Variants in TBC1D1 observed in about 807,000 individuals in gnomAD.
TBC1D1 encodes the protein TBC1 (tre-2/USP6, BUB2, cdc16) domain family, member 1.
A neutral mutation model predicts 125.6 loss-of-function variants in TBC1D1; 89 were observed. The observed-to-expected ratio is 0.71, with a 90% CI of 0.60 to 0.85. The LOEUF (loss-of-function observed/expected upper bound fraction) is 0.85. Ranked by LOEUF, TBC1D1 falls within the 40% of genes least tolerant of loss-of-function variation. The pLI is 0.00. For synonymous variants in TBC1D1, 565 were observed against 564.1 expected (o/e 1.00, Z -0.02); for missense variants, 1,377 against 1,469.2 (o/e 0.94, Z 1.03).
intron 14 of TBC1D1, among the ~76,000 whole-genome samples, chr4:38,097,323 TG>T (rs933147904): frequency 2.9e-5 from 4 of 136,332 alleles, no homozygotes; most frequent in Non-Finnish European, 4.8e-5. Context: ...GCACCATGCC[TG>T]GCTAATTTTT....
At chr4:37,899,070 A>AT (rs1322453685) in intron 1 of TBC1D1, among the ~76,000 whole-genome samples, 2 of 152,128 alleles carry the variant, frequency 1.3e-5, no homozygotes, top group African/African-American at 4.8e-5. Flanking sequence ...GATATGATAA[A>AT]TTTTGTGTTG....
intron 2 of TBC1D1, among the ~76,000 whole-genome samples, chr4:37,971,377 G>A (rs186674497): frequency 7.5e-4 from 114 of 152,324 alleles, no homozygotes; most frequent in Non-Finnish European, 1.3e-3. Context: ...GCAAGAAGGA[G>A]CAAGTCACAT....
chr4:37,899,849 G>T (rs376110079), intron 1 of TBC1D1, among the ~76,000 whole-genome samples: 2 of 152,184 alleles, frequency 1.3e-5, no homozygotes, highest in African/African-American at 4.8e-5. Context: ...GGCCGGGCGC[G>T]GTGGCTCAAG....
At chr4:38,017,007 A>G (rs1445409521) in intron 3 of TBC1D1, among the ~76,000 whole-genome samples, 4 of 152,130 alleles carry the variant, frequency 2.6e-5, no homozygotes, top group Admixed American at 6.5e-5. Flanking sequence ...AGTGGAAGGG[A>G]CAGACATGCA....
chr4:37,971,303 A>C (rs1156884693), intron 2 of TBC1D1, among the ~76,000 whole-genome samples: 1 of 152,220 alleles, frequency 6.6e-6, no homozygotes, highest in African/African-American at 2.4e-5. Flanking sequence ...GTAATTATAA[A>C]GGAAAGCGGT....
intron 2 of TBC1D1, among the ~76,000 whole-genome samples, chr4:37,911,671 T>C (rs553425314): frequency 3.3e-5 from 5 of 152,204 alleles, no homozygotes; most frequent in Admixed American, 2.0e-4. Context: ...CATTCATTTA[T>C]TGAAATACTA....
intron 2 of TBC1D1, among the ~76,000 whole-genome samples, chr4:37,963,897 C>T (rs17606892): frequency 0.096 from 14,572 of 152,232 alleles, 867 homozygotes; most frequent in East Asian, 0.16. Context: ...TTGTACTTGG[C>T]ATTTGGTGCC....
intron 2 of TBC1D1, among the ~76,000 whole-genome samples, chr4:37,946,570 C>T (rs1726737423): frequency 6.6e-6 from 1 of 152,074 alleles, no homozygotes; most frequent in South Asian, 2.1e-4. Context: ...TTTTCATGTT[C>T]CAAAGAGAAG....
chr4:37,968,959 T>A (rs1360871476), intron 2 of TBC1D1, among the ~76,000 whole-genome samples: 1 of 152,212 alleles, frequency 6.6e-6, no homozygotes, highest in East Asian at 1.9e-4. Flanking sequence ...CAGAGACACT[T>A]GGACGATTTG....
intron 12 of TBC1D1, among the ~76,000 whole-genome samples, chr4:38,071,337 A>T (rs149748791): frequency 6.6e-6 from 1 of 152,318 alleles, no homozygotes; most frequent in East Asian, 1.9e-4. Context: ...GATCTAGCAG[A>T]AGTAAAATTT....
chr4:38,073,878 C>T (rs1015662578), intron 12 of TBC1D1, among the ~76,000 whole-genome samples: 2 of 152,160 alleles, frequency 1.3e-5, no homozygotes, highest in Non-Finnish European at 2.9e-5. Flanking sequence ...TGAATGGCAG[C>T]CATTCTTGAA....
chr4:38,130,616 C>G (rs1203703439), intron 18 of TBC1D1, among the ~76,000 whole-genome samples: 1 of 152,110 alleles, frequency 6.6e-6, no homozygotes, highest in African/African-American at 2.4e-5. Flanking sequence ...AGCCAGTCCC[C>G]CTTGCAGAGG....
intron 8 of TBC1D1, among the ~76,000 whole-genome samples, chr4:38,037,983 G>GAT (rs1163958052): frequency 6.6e-6 from 1 of 152,192 alleles, no homozygotes; most frequent in Non-Finnish European, 1.5e-5. Flanking sequence ...AAATTAGTAT[G>GAT]AAATCAGCTG....
At position 38,139,032 on chromosome 4, in the gene TBC1D1, G is replaced by A. The variant is rs1767037716; in HGVS notation, c.*1697G>A. ...GTAACTTATAGGAGTTAACATTTGAGGACTTTGTTCTGCATCAGATCTTAC... is the reference window on the plus strand; with the variant it reads ...GTAACTTATAGGAGTTAACATTTGAAGACTTTGTTCTGCATCAGATCTTAC... On this transcript the variant is annotated 3_prime_UTR_variant, in exon 20 of 20. Coordinates refer to ENST00000261439, the MANE Select transcript of TBC1D1 (RefSeq NM_015173.4). 1 of 152,604 alleles carries A rather than the reference G, an allele frequency of 6.6e-6. No homozygotes were observed. The allele number at this position is 152,604 out of a possible 1,614,324, so 9.5% of individuals were successfully genotyped here.
chr4:37,992,099 G>C (rs933221625), intron 2 of TBC1D1, among the ~76,000 whole-genome samples: 2 of 152,210 alleles, frequency 1.3e-5, no homozygotes, highest in African/African-American at 4.8e-5. Flanking sequence ...GTTTGTTCTG[G>C]TAGGGATTGC....
At chr4:37,899,440 G>A (rs1363419536) in intron 1 of TBC1D1, among the ~76,000 whole-genome samples, 1 of 152,184 alleles carries the variant, frequency 6.6e-6, no homozygotes, top group Non-Finnish European at 1.5e-5. Context: ...CCATTAGGGT[G>A]TATGTGGTAG....
chr4:37,996,027 C>T (rs1737724176), intron 2 of TBC1D1: 3 of 517,594 alleles, frequency 5.8e-6, no homozygotes, highest in African/African-American at 1.9e-5. Context: ...CAGTGGGGCC[C>T]GGAGGGAGGT....
intron 1 of TBC1D1, among the ~76,000 whole-genome samples, chr4:37,896,097 T>A (rs577441552): frequency 6.6e-6 from 1 of 152,202 alleles, no homozygotes; most frequent in Non-Finnish European, 1.5e-5. Context: ...TATGAGTAGC[T>A]GCCTGGGGAC....
chr4:37,996,791 A>G (rs952777447), intron 2 of TBC1D1, among the ~76,000 whole-genome samples: 1 of 152,250 alleles, frequency 6.6e-6, no homozygotes, highest in Admixed American at 6.5e-5. Flanking sequence ...AGATGGTGAC[A>G]GGGCTGTGGC....
Sources: gnomAD v4.1 joint callset for allele counts (sites outside exome capture counted in the v4.1 genomes callset) on GRCh38, gnomAD v4.1.1 for gene constraint, MANE v1.5 for transcripts, NCBI Gene and HGNC (gene_info 2026-07-23, HGNC 2026-07-21) for gene names.